ITPKB: variants seen among roughly 807,000 people sequenced by gnomAD.
ITPKB encodes the protein inositol-trisphosphate 3-kinase B.
A neutral mutation model predicts 69.4 loss-of-function variants in ITPKB; 13 were observed. The observed-to-expected ratio is 0.19, with a 90% confidence interval of 0.12 to 0.30. The LOEUF (loss-of-function observed/expected upper bound fraction) is 0.30, where lower values mean the gene tolerates loss of function less well. ITPKB is among the 10% of genes least tolerant of loss of function. ITPKB has a pLI of 1.00. For synonymous variants in ITPKB, 584 were observed against 513.7 expected, an observed-to-expected ratio of 1.14 and a Z score of -1.85; for missense variants, 1,240 against 1,250.5, an observed-to-expected ratio of 0.99 and a Z score of 0.13.
chr1:226,719,584 G>T (rs1448664928), intron 2 of ITPKB, among the ~76,000 whole-genome samples: 1 of 152,182 alleles, frequency 6.6e-6, no homozygotes, highest in Non-Finnish European at 1.5e-5. Context: ...TTTAAATGAG[G>T]ATTTAACTTA....
At chr1:226,695,015 G>A (rs1260286885) in intron 2 of ITPKB, among the ~76,000 whole-genome samples, 1 of 152,170 alleles carries the variant, frequency 6.6e-6, no homozygotes, top group Admixed American at 6.5e-5. Flanking sequence ...GGATCACCTG[G>A]GGTCAGGAGT....
Position 226,653,768 on chromosome 1 carries a change from A to G in ITPKB, c.1933-4997T>C, listed in dbSNP as rs1208563056. On this transcript the variant is annotated intron_variant, in intron 2 of 7. Coordinates refer to ENST00000429204, the MANE Select transcript of ITPKB (RefSeq NM_002221.4). ...GATTCTGGGCAGGGTGGTTAAACCAACTGAAGACCAGGCATGAGGTCTTTC... is the reference window on the plus strand; with the variant it reads ...GATTCTGGGCAGGGTGGTTAAACCAGCTGAAGACCAGGCATGAGGTCTTTC... Among the ~76,000 whole-genome samples, 7 of 152,174 alleles carry G rather than the reference A, an allele frequency of 4.6e-5. No homozygotes were observed. The East Asian group carries it at 1.2e-3, about 25-fold the overall frequency.
chr1:226,652,987 G>A, intron 2 of ITPKB, among the ~76,000 whole-genome samples: 1 of 152,174 alleles, frequency 6.6e-6, no homozygotes, highest in Non-Finnish European at 1.5e-5. Context: ...CATTGCTTTT[G>A]TCATCTCTCG....
At chr1:226,653,323 G>C (rs532611162) in intron 2 of ITPKB, among the ~76,000 whole-genome samples, 6 of 152,150 alleles carry the variant, frequency 3.9e-5, no homozygotes, top group African/African-American at 7.2e-5. Context: ...TTCCAGTCTC[G>C]AGACAGCAGG....
Position 226,714,193 on chromosome 1 carries a change from T to C in ITPKB, c.1932+21334A>G, listed in dbSNP as rs372578410. 5.9e-5 allele frequency among the ~76,000 whole-genome samples: 9 copies of C among 152,190 alleles called. No individual in the cohort carries two copies. In the East Asian group the frequency reaches 1.5e-3, roughly 26 times the overall value. On this transcript the variant is annotated intron_variant, in intron 2 of 7. Coordinates refer to ENST00000429204, the MANE Select transcript of ITPKB (RefSeq NM_002221.4). ...TAAAATTAGGTGAGGACAGCAGACT[T>C]ACCTGGCCAATTAAATGTGAGCAGA...
intron 4 of ITPKB, among the ~76,000 whole-genome samples, chr1:226,643,764 C>A (rs556175613): frequency 6.6e-6 from 1 of 152,242 alleles, no homozygotes; most frequent in Admixed American, 6.5e-5. Flanking sequence ...AAGTCAGTAG[C>A]TTTGGGTTGG....
In ITPKB at chr1:226,738,974, A is replaced by C. The variant is rs968892602; in HGVS notation, c.-206+67T>G. 3.3e-5 allele frequency: 5 copies of C among 152,192 alleles called. No individual in the cohort carries two copies. Among genetic ancestry groups the C allele is most frequent in the Admixed American group, 6.5e-5 (1 of 15,272 alleles). The allele number at this position is 152,192 out of a possible 1,614,324, so 9.4% of individuals were successfully genotyped here. A position where few individuals can be genotyped will look rare whatever the true frequency, so the allele number is the denominator to read the frequency against. The stretch of plus-strand genomic sequence containing the variant: ...AACCAGGAACGCCGAGATTCGCTCC[A>C]GAGCAGAAAGTGAGGGAAAAGAGGG... On this transcript the variant is annotated intron_variant, in intron 1 of 7. Coordinates refer to ENST00000429204, the MANE Select transcript of ITPKB (RefSeq NM_002221.4). This position sits in a 1 kb window ranked among gnomAD's most constrained non-coding sequence, Gnocchi z 4.2.
intron 2 of ITPKB, among the ~76,000 whole-genome samples, chr1:226,722,814 T>C (rs188455468): frequency 1.5e-3 from 230 of 152,292 alleles, no homozygotes; most frequent in Non-Finnish European, 2.7e-3. Context: ...AAACTGCACA[T>C]TCAGAGCCTG....
At chr1:226,665,642 G>A (rs1171399973) in intron 2 of ITPKB, among the ~76,000 whole-genome samples, 1 of 152,156 alleles carries the variant, frequency 6.6e-6, no homozygotes, top group Non-Finnish European at 1.5e-5. Context: ...GGGCTGAGAT[G>A]GAAGCCAGGA....
At position 226,698,749 on chromosome 1, in the gene ITPKB, G is replaced by C. The variant is rs3820644; in HGVS notation, c.1932+36778C>G. 1.5e-4 allele frequency among the ~76,000 whole-genome samples: 23 copies of C among 152,342 alleles called. No individual in the cohort carries two copies. In the East Asian group the frequency reaches 4.4e-3, roughly 29 times the overall value. On this transcript the variant is annotated intron_variant, in intron 2 of 7. Transcript: ENST00000429204. ...CTCCCTGCTCCAGGCCACTGGGCTAGAGCTCAGCTCTGGACTGGCTTCTCA... is the reference window on the plus strand; with the variant it reads ...CTCCCTGCTCCAGGCCACTGGGCTACAGCTCAGCTCTGGACTGGCTTCTCA...
Position 226,632,232 on chromosome 1 carries a change from G to A in ITPKB, c.*2439C>T, listed in dbSNP as rs1434448136. On this transcript the variant is annotated 3_prime_UTR_variant, in exon 8 of 8. Coordinates refer to ENST00000429204, the MANE Select transcript of ITPKB (RefSeq NM_002221.4). ...ACTCGTGGGGCCCCCCGCAGGACAGGGCAAGAGGACCCTGCGCCCATTCAC... is the reference window on the plus strand; with the variant it reads ...ACTCGTGGGGCCCCCCGCAGGACAGAGCAAGAGGACCCTGCGCCCATTCAC... 2 of 152,550 alleles carry A rather than the reference G, an allele frequency of 1.3e-5. No homozygotes were observed. The highest frequency in any genetic ancestry group is 2.9e-5 in the Non-Finnish European group (2 of 68,068). 9.4% of individuals were successfully genotyped at this position (152,550 alleles called of 1,614,324 possible).
chr1:226,632,234 C>T lies in ITPKB; in HGVS notation c.*2437G>A, dbSNP rs944966110. ...TCGTGGGGCCCCCCGCAGGACAGGGCAAGAGGACCCTGCGCCCATTCACCT... is the reference window on the plus strand; with the variant it reads ...TCGTGGGGCCCCCCGCAGGACAGGGTAAGAGGACCCTGCGCCCATTCACCT... On this transcript the variant is annotated 3_prime_UTR_variant, in exon 8 of 8. Transcript: ENST00000429204. 6 of 152,530 alleles carry T rather than the reference C, an allele frequency of 3.9e-5. No individual in the cohort carries two copies. Among genetic ancestry groups the T allele is most frequent in the African/African-American group, 7.2e-5 (3 of 41,454 alleles). 9.4% of individuals were successfully genotyped at this position (152,530 alleles called of 1,614,324 possible).
chr1:226,711,300 G>A (rs1327012140), intron 2 of ITPKB, among the ~76,000 whole-genome samples: 2 of 151,920 alleles, frequency 1.3e-5, no homozygotes, highest in Non-Finnish European at 2.9e-5. Flanking sequence ...AAAATCCTTT[G>A]ACTCCAGTTC....
intron 2 of ITPKB, among the ~76,000 whole-genome samples, chr1:226,708,971 A>C (rs1656877278): frequency 6.6e-6 from 1 of 152,172 alleles, no homozygotes; most frequent in Non-Finnish European, 1.5e-5. Context: ...AGACGGAAGA[A>C]GACACTGGTG....
intron 2 of ITPKB, among the ~76,000 whole-genome samples, chr1:226,732,373 G>A (rs1196774255): frequency 1.3e-5 from 2 of 152,020 alleles, no homozygotes; most frequent in African/African-American, 4.8e-5. Flanking sequence ...CAAGTAGCTG[G>A]GATTACAGGC....
chr1:226,681,535 C>A (rs1656094149), intron 2 of ITPKB, among the ~76,000 whole-genome samples: 1 of 152,186 alleles, frequency 6.6e-6, no homozygotes. Flanking sequence ...CAGGATTTCC[C>A]TATGCCAGGC....
intron 2 of ITPKB, among the ~76,000 whole-genome samples, chr1:226,721,519 G>A (rs1203268463): frequency 6.6e-6 from 1 of 151,826 alleles, no homozygotes; most frequent in Non-Finnish European, 1.5e-5. Context: ...TTTTGAGACG[G>A]GGTTTCGCTC....
chr1:226,683,811 A>ACC (rs934795256), intron 2 of ITPKB, among the ~76,000 whole-genome samples: 1 of 152,150 alleles, frequency 6.6e-6, no homozygotes, highest in Non-Finnish European at 1.5e-5. Flanking sequence ...ACTCAAAATC[A>ACC]ACCACCAAAC....
chr1:226,697,178 C>G (rs986416419), intron 2 of ITPKB, among the ~76,000 whole-genome samples: 5 of 152,216 alleles, frequency 3.3e-5, no homozygotes, highest in African/African-American at 9.7e-5. Flanking sequence ...CTGATTCAGG[C>G]TAGGTGCCTG....
Sources: gnomAD v4.1 joint callset for allele counts (sites outside exome capture counted in the v4.1 genomes callset) on GRCh38, gnomAD v4.1.1 for gene constraint, Gnocchi (gnomAD v3.1) non-coding constraint, MANE v1.5 for transcripts, NCBI Gene and HGNC (gene_info 2026-07-23, HGNC 2026-07-21) for gene names.